Variants in TACR3 observed in about 807,000 individuals in gnomAD.
TACR3 encodes the protein neuromedin-K receptor.
TACR3 carries 34 observed loss-of-function variants against 35.0 expected under a neutral mutation model. That is an observed-to-expected ratio of 0.97 (90% CI 0.74 to 1.30). TACR3 has a LOEUF of 1.30. TACR3 is among the 50% of genes most tolerant of loss of function. TACR3 has a pLI of 0.00. For synonymous variants in TACR3, 233 were observed against 221.1 expected (o/e 1.05, Z -0.48); for missense variants, 558 against 591.7 (o/e 0.94, Z 0.59).
intron 1 of TACR3, among the ~76,000 whole-genome samples, chr4:103,703,502 G>A (rs1031501724): frequency 6.6e-6 from 1 of 152,088 alleles, no homozygotes; most frequent in Middle Eastern, 3.4e-3. Context: ...AAACTATATC[G>A]GACTGTTAAA....
At chr4:103,659,493 C>T (rs374968510) in intron 1 of TACR3, among the ~76,000 whole-genome samples, 70 of 152,178 alleles carry the variant, frequency 4.6e-4, no homozygotes, top group African/African-American at 1.5e-3. Flanking sequence ...TCCATAAACC[C>T]ATTTAAGAGC....
intron 4 of TACR3, among the ~76,000 whole-genome samples, chr4:103,590,197 T>C (rs1468734344): frequency 6.6e-6 from 1 of 151,802 alleles, no homozygotes; most frequent in Non-Finnish European, 1.5e-5. Flanking sequence ...TTCCCATTAA[T>C]GAGAAGCATT....
intron 3 of TACR3, among the ~76,000 whole-genome samples, chr4:103,593,956 G>C (rs1177483564): frequency 1.3e-5 from 2 of 152,044 alleles, no homozygotes; most frequent in Non-Finnish European, 2.9e-5. Context: ...CATACATAAA[G>C]GGTACTCAGA....
At position 103,709,646 on chromosome 4, in the gene TACR3, G is replaced by T. The variant is rs569687099; in HGVS notation, c.548+9482C>A. 2.6e-5 allele frequency among the ~76,000 whole-genome samples: 4 copies of T among 152,016 alleles called. No homozygotes were observed. The East Asian group carries it at 7.8e-4, about 29-fold the overall frequency. Reference sequence around the variant, plus strand: ...ACATCATAATGACAGGATCAAATTCGCACATAACAATATTAACCTTAAATG... The same window carrying T: ...ACATCATAATGACAGGATCAAATTCTCACATAACAATATTAACCTTAAATG... On this transcript the variant is annotated intron_variant, in intron 1 of 4. Transcript: ENST00000304883.
In TACR3 at chr4:103,719,520, G is replaced by A; in HGVS notation, c.156C>T (p.Ser52=). 1 of 1,609,556 alleles carries A rather than the reference G, an allele frequency of 6.2e-7. No individual in the cohort carries two copies. The highest frequency in any genetic ancestry group is 8.5e-7 in the Non-Finnish European group (1 of 1,176,372). The change falls in exon 1 of 5, where the codon TCC becomes TCT. Residue 52 remains serine, a synonymous_variant. Transcript: ENST00000304883. ...GCAGTCCCAGCGCGGAAGGGGAGGA[G>A]GAGAGGTTGCCAGCTTGGTCCAGCA... is the stretch of plus-strand genomic sequence containing the variant. The part of the protein sequence containing the change: ...LQLLDQAGNL[S]SSPSALGLPV...
chr4:103,659,762 A>C (rs1389361529), intron 1 of TACR3, among the ~76,000 whole-genome samples: 3 of 152,198 alleles, frequency 2.0e-5, no homozygotes, highest in Non-Finnish European at 2.9e-5. Flanking sequence ...TGGTAAGTAG[A>C]GTCATGCTTT....
rs1723795024 is a variant in TACR3 at position 103,587,654 on chromosome 4, C to T, written c.*2028G>A. The T allele has an allele frequency of 6.6e-6, 1 of 152,034 alleles. No individual in the cohort carries two copies. Among genetic ancestry groups the T allele is most frequent in the Non-Finnish European group, 1.5e-5 (1 of 67,984 alleles). 9.4% of individuals were successfully genotyped at this position (152,034 alleles called of 1,614,324 possible). ...CATATTTTACAGCTGAATATGGTTC[C>T]ATATGTCTAAAACATTAATTAATGC... On this transcript the variant is annotated 3_prime_UTR_variant, in exon 5 of 5. Coordinates refer to ENST00000304883, the MANE Select transcript of TACR3 (RefSeq NM_001059.3).
intron 1 of TACR3, among the ~76,000 whole-genome samples, chr4:103,675,597 G>T (rs1005784737): frequency 6.6e-6 from 1 of 152,178 alleles, no homozygotes; most frequent in African/African-American, 2.4e-5. Flanking sequence ...CAGGTGTGAA[G>T]GGTGAAAGGA....
chr4:103,685,141 C>T (rs1722201176), intron 1 of TACR3, among the ~76,000 whole-genome samples: 1 of 151,986 alleles, frequency 6.6e-6, no homozygotes, highest in Non-Finnish European at 1.5e-5. Context: ...CAGCAGTAAT[C>T]AATACAGTAT....
intron 1 of TACR3, among the ~76,000 whole-genome samples, chr4:103,684,165 C>A (rs1722177264): frequency 6.6e-6 from 1 of 151,978 alleles, no homozygotes; most frequent in African/African-American, 2.4e-5. Flanking sequence ...GTGATCAAAA[C>A]AATCAAGGAT....
intron 1 of TACR3, among the ~76,000 whole-genome samples, chr4:103,695,608 G>A (rs867399469): frequency 3.3e-5 from 5 of 151,906 alleles, no homozygotes; most frequent in Non-Finnish European, 4.4e-5. Flanking sequence ...GTAAAGTTTC[G>A]TGGGGTTCAA....
At chr4:103,661,134 T>C (rs1237549438) in intron 1 of TACR3, among the ~76,000 whole-genome samples, 1 of 152,040 alleles carries the variant, frequency 6.6e-6, no homozygotes, top group Non-Finnish European at 1.5e-5. Flanking sequence ...GAGAGAAATA[T>C]ATATATTTCT....
At chr4:103,633,797 T>C (rs906831932) in intron 3 of TACR3, among the ~76,000 whole-genome samples, 1 of 152,258 alleles carries the variant, frequency 6.6e-6, no homozygotes, top group East Asian at 1.9e-4. Context: ...CCTGAGCCCA[T>C]TGTCTTGGGG....
At chr4:103,686,985 C>A (rs1722260996) in intron 1 of TACR3, among the ~76,000 whole-genome samples, 1 of 152,066 alleles carries the variant, frequency 6.6e-6, no homozygotes, top group Admixed American at 6.6e-5. Context: ...AACACTGATG[C>A]AAAAATCCTC....
At chr4:103,637,849 G>C (rs1195735389) in intron 3 of TACR3, among the ~76,000 whole-genome samples, 2 of 152,054 alleles carry the variant, frequency 1.3e-5, no homozygotes, top group Non-Finnish European at 1.5e-5. Context: ...TTGCTACAAA[G>C]AGAATAAAAA....
chr4:103,703,310 T>G (rs1292332370), intron 1 of TACR3, among the ~76,000 whole-genome samples: 1 of 152,230 alleles, frequency 6.6e-6, no homozygotes, highest in Non-Finnish European at 1.5e-5. Flanking sequence ...TACACTATTG[T>G]ACAACCATAC....
At chr4:103,608,092 A>G (rs1420803504) in intron 3 of TACR3, among the ~76,000 whole-genome samples, 2 of 152,168 alleles carry the variant, frequency 1.3e-5, no homozygotes, top group East Asian at 3.8e-4. Context: ...CATTCTATCA[A>G]AATGACACAC....
intron 3 of TACR3, among the ~76,000 whole-genome samples, chr4:103,604,901 A>G (rs1724312041): frequency 6.6e-6 from 1 of 150,948 alleles, no homozygotes; most frequent in South Asian, 2.1e-4. Flanking sequence ...ACATATGTAT[A>G]CATGTGCCAT....
chr4:103,669,988 T>A (rs1726021739), intron 1 of TACR3, among the ~76,000 whole-genome samples: 1 of 152,108 alleles, frequency 6.6e-6, no homozygotes, highest in South Asian at 2.1e-4. Context: ...TTATTTGATT[T>A]TTTATATGGT....
Sources: gnomAD v4.1 joint callset for allele counts (sites outside exome capture counted in the v4.1 genomes callset) on GRCh38, gnomAD v4.1.1 for gene constraint, MANE v1.5 for transcripts, NCBI Gene and HGNC (gene_info 2026-07-23, HGNC 2026-07-21) for gene names.